The following CACNA1D variants were observed in gnomAD, a reference collection of about 807,000 sequenced individuals.
CACNA1D encodes voltage-dependent L-type calcium channel subunit alpha-1D.
A neutral mutation model predicts 257.1 loss-of-function variants in CACNA1D; 55 were observed. That is an observed-to-expected ratio of 0.21 (90% CI 0.17 to 0.27). The LOEUF is 0.27. CACNA1D is among the 10% of genes least tolerant of loss of function. CACNA1D has a pLI of 1.00. For missense variants in CACNA1D, 1,876 were observed against 2,784.0 expected (o/e 0.67, Z 7.34); for synonymous variants, 980 against 1,014.9 (o/e 0.97, Z 0.65).
chr3:53,809,617 C>T, intron 46 of CACNA1D: 1 of 343,680 alleles, frequency 2.9e-6, no homozygotes, highest in South Asian at 2.9e-5. Context: ...GTAGTTTCCC[C>T]TGAATGTACT....
intron 3 of CACNA1D, among the ~76,000 whole-genome samples, chr3:53,600,178 A>G (rs2093423690): frequency 6.6e-6 from 1 of 152,200 alleles, no homozygotes; most frequent in East Asian, 1.9e-4. Flanking sequence ...TCAGCTTTTC[A>G]TTTGGCCAGC....
rs2095472471 is a variant in CACNA1D at position 53,789,395 on chromosome 3, T to G, written c.4923+2443T>G. ...AGGATAATTCTAATTGCATTTTGGC[T>G]TCCTGTGCTGTAGAAATGGCTGTGA... is the stretch of plus-strand genomic sequence containing the variant. On this transcript the variant is annotated intron_variant, in intron 40 of 47. Coordinates refer to ENST00000350061, the MANE Select transcript of CACNA1D (RefSeq NM_001128840.3). This position sits in a 1 kb window ranked among gnomAD's most constrained non-coding sequence, Gnocchi z 4.2. Among the ~76,000 whole-genome samples the G allele has an allele frequency of 6.6e-6, 1 of 152,260 alleles. No individual in the cohort carries two copies. The highest frequency in any genetic ancestry group is 2.4e-5 in the African/African-American group (1 of 41,476).
chr3:53,687,872 A>G (rs1222148596), intron 8 of CACNA1D, among the ~76,000 whole-genome samples: 2 of 152,254 alleles, frequency 1.3e-5, no homozygotes, highest in Admixed American at 1.3e-4. Flanking sequence ...CCATCAGGGA[A>G]GTACAAGTTA....
At position 53,723,531 on chromosome 3, in the gene CACNA1D, C is replaced by T. The variant is rs2094902694; in HGVS notation, c.1764C>T (p.Asn588=). 6.2e-7 allele frequency: 1 copy of T among 1,613,872 alleles called. No individual in the cohort carries two copies. The highest frequency in any genetic ancestry group is 1.7e-5 in the Admixed American group (1 of 59,994). The part of the protein sequence containing the change: ...GLQAYFVSLF[N]RFDCFVVCGG... ...AAGCATATTTCGTCTCTCTTTTCAA[C>T]CGGTTTGATTGCTTCGTGGTGTGTG... Residue 588 remains asparagine, a synonymous_variant, in exon 13 of 48, where the codon AAC becomes AAT. Coordinates refer to ENST00000350061, the MANE Select transcript of CACNA1D (RefSeq NM_001128840.3). The surrounding 1 kb of genome is among the most constrained non-coding windows in gnomAD (Gnocchi z 5.6).
In CACNA1D at chr3:53,801,470, C is replaced by T. The variant is rs745840135; in HGVS notation, c.5408+45C>T. ...TGGACTTGCTCATGTGGTGTCTGCC[C>T]GTGTTGCGTCTAGTCCCAAGGAGCA... On this transcript the variant is annotated intron_variant, in intron 42 of 47. Coordinates refer to ENST00000350061, the MANE Select transcript of CACNA1D (RefSeq NM_001128840.3). 17 of 1,608,584 alleles carry T rather than the reference C, an allele frequency of 1.1e-5. No individual in the cohort carries two copies. In the African/African-American group the frequency reaches 1.1e-4, roughly 10 times the overall value.
rs536807772 is a variant in CACNA1D at position 53,631,338 on chromosome 3, C to G, written c.484-19441C>G. 5.9e-5 allele frequency among the ~76,000 whole-genome samples: 9 copies of G among 152,298 alleles called. 1 individual carries two copies. The highest frequency in any genetic ancestry group is 6.8e-3 in the Middle Eastern group (2 of 294). Reference sequence around the variant, plus strand: ...AGGAGTAGATTCCATATCAGGAAACCACTTTCTTTGCTCATCCATAAGAAG... The same window carrying G: ...AGGAGTAGATTCCATATCAGGAAACGACTTTCTTTGCTCATCCATAAGAAG... On this transcript the variant is annotated intron_variant, in intron 3 of 47. Transcript: ENST00000350061.
intron 20 of CACNA1D, among the ~76,000 whole-genome samples, chr3:53,737,552 G>C (rs1197426895): frequency 6.6e-6 from 1 of 152,178 alleles, no homozygotes; most frequent in Non-Finnish European, 1.5e-5. Context: ...ACCGGGAGCA[G>C]TGGCTCATGC....
intron 3 of CACNA1D, among the ~76,000 whole-genome samples, chr3:53,520,604 A>G (rs1328640133): frequency 6.6e-6 from 1 of 152,116 alleles, no homozygotes; most frequent in African/African-American, 2.4e-5. Context: ...TGTCTCTACT[A>G]AAAATACAAA....
At chr3:53,553,036 A>G (rs1029017326) in intron 3 of CACNA1D, among the ~76,000 whole-genome samples, 1 of 152,222 alleles carries the variant, frequency 6.6e-6, no homozygotes, top group Non-Finnish European at 1.5e-5. Context: ...AAAATTACTC[A>G]TAGATAACAA....
chr3:53,795,037 C>G (rs2095501480), intron 40 of CACNA1D, among the ~76,000 whole-genome samples: 1 of 152,246 alleles, frequency 6.6e-6, no homozygotes, highest in Non-Finnish European at 1.5e-5. Flanking sequence ...CCTTCCCAGT[C>G]TCAGCCCACT....
Position 53,789,956 on chromosome 3 carries a change from C to T in CACNA1D, c.4923+3004C>T, listed in dbSNP as rs1317499831. ...CTGGATCCATGTGTGGGAAGGAGCT[C>T]GGCATCCGGTGTCTTCTGGCCTCTG... On this transcript the variant is annotated intron_variant, in intron 40 of 47. Coordinates refer to ENST00000350061, the MANE Select transcript of CACNA1D (RefSeq NM_001128840.3). The surrounding 1 kb of genome is among the most constrained non-coding windows in gnomAD (Gnocchi z 4.2). Among the ~76,000 whole-genome samples the T allele has an allele frequency of 1.3e-5, 2 of 152,180 alleles. No homozygotes were observed. The highest frequency in any genetic ancestry group is 6.5e-5 in the Admixed American group (1 of 15,278).
chr3:53,800,209 A>G lies in CACNA1D; in HGVS notation c.4924-40A>G, dbSNP rs182970330. On this transcript the variant is annotated intron_variant, in intron 40 of 47. Coordinates refer to ENST00000350061, the MANE Select transcript of CACNA1D (RefSeq NM_001128840.3). The surrounding 1 kb of genome is among the most constrained non-coding windows in gnomAD (Gnocchi z 4.3). Reference sequence around the variant, plus strand: ...AGGACCCAGGCTGGCCCCAGGGCCCATGTGTGGTCTAACCTGTTCTGCCAT... The same window carrying G: ...AGGACCCAGGCTGGCCCCAGGGCCCGTGTGTGGTCTAACCTGTTCTGCCAT... 5 of 1,410,020 alleles carry G rather than the reference A, an allele frequency of 3.5e-6. No individual in the cohort carries two copies. Among genetic ancestry groups the G allele is most frequent in the South Asian group, 2.3e-5 (2 of 87,016 alleles). 87.3% of individuals were successfully genotyped at this position (1,410,020 alleles called of 1,614,324 possible). A position where few individuals can be genotyped will look rare whatever the true frequency, so the allele number is the denominator to read the frequency against.
chr3:53,564,040 T>C (rs1316184537), intron 3 of CACNA1D, among the ~76,000 whole-genome samples: 2 of 152,256 alleles, frequency 1.3e-5, no homozygotes, highest in Admixed American at 6.5e-5. Flanking sequence ...TCTAAAATGA[T>C]ATATCATTCT....
chr3:53,532,191 C>A (rs2091973672), intron 3 of CACNA1D, among the ~76,000 whole-genome samples: 1 of 152,128 alleles, frequency 6.6e-6, no homozygotes, highest in African/African-American at 2.4e-5. Context: ...ATAACAAAGC[C>A]CATTGAAACA....
At chr3:53,600,538 G>A (rs569310381) in intron 3 of CACNA1D, among the ~76,000 whole-genome samples, 4 of 152,312 alleles carry the variant, frequency 2.6e-5, no homozygotes, top group South Asian at 4.1e-4. Flanking sequence ...GCCCAAAGAC[G>A]TGCAGCTAGT....
At chr3:53,745,254 T>G (rs911142760) in intron 23 of CACNA1D, among the ~76,000 whole-genome samples, 1 of 151,848 alleles carries the variant, frequency 6.6e-6, no homozygotes, top group Non-Finnish European at 1.5e-5. Context: ...TTTTTTTTTT[T>G]CTTTGAAACG....
In CACNA1D at chr3:53,804,179, C is replaced by T. The variant is rs375746301; in HGVS notation, c.5585+607C>T. Among the ~76,000 whole-genome samples, 9 of 152,338 alleles carry T rather than the reference C, an allele frequency of 5.9e-5. No individual in the cohort carries two copies. In the East Asian group the frequency reaches 1.4e-3, roughly 23 times the overall value. On this transcript the variant is annotated intron_variant, in intron 44 of 47. Coordinates refer to ENST00000350061, the MANE Select transcript of CACNA1D (RefSeq NM_001128840.3). ...TCGCCCTCCACCCTCTTCTCTGAAC[C>T]GCACCTCACTGTGACCAGGGGCCCA...
At chr3:53,670,397 T>C (rs1028482363) in intron 7 of CACNA1D, among the ~76,000 whole-genome samples, 1 of 152,144 alleles carries the variant, frequency 6.6e-6, no homozygotes, top group Non-Finnish European at 1.5e-5. Context: ...CAGGCTGGAG[T>C]GCAATGGCGT....
At chr3:53,608,902 TTA>T (rs2093547725) in intron 3 of CACNA1D, among the ~76,000 whole-genome samples, 1 of 152,362 alleles carries the variant, frequency 6.6e-6, no homozygotes, top group East Asian at 1.9e-4. Context: ...GTAAGAATTT[TTA>T]TGTCTGTGTA....
Sources: allele counts gnomAD v4.1 joint callset (sites outside exome capture counted in the v4.1 genomes callset), GRCh38; gene constraint gnomAD v4.1.1; non-coding constraint Gnocchi (gnomAD v3.1); transcripts MANE v1.5; gene names NCBI Gene and HGNC (gene_info 2026-07-23, HGNC 2026-07-21).